GDAP2: variants seen among roughly 807,000 people sequenced by gnomAD.
The protein encoded by GDAP2 is ganglioside induced differentiation associated protein 2.
In GDAP2, 51 loss-of-function variants were observed where a neutral mutation model predicts 67.0. The ratio of observed to expected loss-of-function variants is 0.76; its 90% CI spans 0.61 to 0.96. The LOEUF (loss-of-function observed/expected upper bound fraction) is 0.96. Ranked by LOEUF, GDAP2 falls within the 40% of genes least tolerant of loss-of-function variation. The pLI, the probability that GDAP2 is intolerant of heterozygous loss-of-function variation, is 0.00. For synonymous variants in GDAP2, 203 were observed against 207.3 expected, an observed-to-expected ratio of 0.98 and a Z score of 0.18; for missense variants, 547 against 588.3, an observed-to-expected ratio of 0.93 and a Z score of 0.73.
At chr1:117,901,797 T>C (rs1227333263) in intron 6 of GDAP2, among the ~76,000 whole-genome samples, 1 of 152,248 alleles carries the variant, frequency 6.6e-6, no homozygotes, top group Non-Finnish European at 1.5e-5. Flanking sequence ...ACAGCACATC[T>C]TGCATATGCC....
chr1:117,888,319 G>C (rs929047551), intron 8 of GDAP2, among the ~76,000 whole-genome samples: 4 of 152,086 alleles, frequency 2.6e-5, no homozygotes, highest in African/African-American at 9.7e-5. Flanking sequence ...AATTTATCTG[G>C]GAAGTCCTGG....
rs2101111865 is a variant in GDAP2, at chr1:117,868,837, T to A, written c.*1732A>T. On this transcript the variant is annotated 3_prime_UTR_variant, in exon 14 of 14. Transcript: ENST00000369443. ...GACCTAGGGGACATAAGAGAAAATC[T>A]TAACATAGATGTATATATAAGGATC... 6.6e-6 allele frequency: 1 copy of A among 152,258 alleles called. No individual in the cohort carries two copies. Among genetic ancestry groups the A allele is most frequent in the South Asian group, 2.1e-4 (1 of 4,824 alleles). 9.4% of individuals were successfully genotyped at this position (152,258 alleles called of 1,614,324 possible). A position where few individuals can be genotyped will look rare whatever the true frequency, so the allele number is the denominator to read the frequency against.
intron 10 of GDAP2, among the ~76,000 whole-genome samples, chr1:117,885,804 C>T (rs1266130963): frequency 1.3e-5 from 2 of 152,044 alleles, no homozygotes; most frequent in Admixed American, 1.3e-4. Context: ...TTAAAGTTAT[C>T]ATCCTTTGAA....
At position 117,874,554 on chromosome 1, in the gene GDAP2, C is replaced by T. The variant is rs1400556402; in HGVS notation, c.1446+3455G>A. On this transcript the variant is annotated intron_variant, in intron 13 of 13. Transcript: ENST00000369443. Reference sequence around the variant, plus strand: ...AGCCTCAGGTATTCCTTTATGGCCACATAAAAATGGATGAAGGCAGAAAAT... The same window carrying T: ...AGCCTCAGGTATTCCTTTATGGCCATATAAAAATGGATGAAGGCAGAAAAT... Among the ~76,000 whole-genome samples the T allele has an allele frequency of 2.0e-5, 3 of 151,978 alleles. 1 individual carries two copies. The highest frequency in any genetic ancestry group is 3.9e-4 in the East Asian group (2 of 5,188).
intron 1 of GDAP2, among the ~76,000 whole-genome samples, chr1:117,924,326 CTTT>C (rs1650366513): frequency 6.6e-6 from 1 of 152,136 alleles, no homozygotes; most frequent in South Asian, 2.1e-4. Flanking sequence ...TTGTTCCCTT[CTTT>C]GTGTCCACGT....
chr1:117,917,935 A>G (rs1650106662), intron 3 of GDAP2, among the ~76,000 whole-genome samples: 1 of 152,154 alleles, frequency 6.6e-6, no homozygotes, highest in Non-Finnish European at 1.5e-5. Flanking sequence ...CTGTCCTTAC[A>G]GTCAAAATTC....
chr1:117,914,471 C>T (rs1184772458), intron 3 of GDAP2, among the ~76,000 whole-genome samples: 1 of 151,906 alleles, frequency 6.6e-6, no homozygotes, highest in African/African-American at 2.4e-5. Flanking sequence ...CAAGAAAATA[C>T]AACATCTAAT....
chr1:117,923,859 G>T (rs1426218846), intron 1 of GDAP2, among the ~76,000 whole-genome samples: 1 of 152,072 alleles, frequency 6.6e-6, no homozygotes, highest in Non-Finnish European at 1.5e-5. Flanking sequence ...TTTAATATTA[G>T]CCATTTAAGA....
chr1:117,892,841 C>T (rs1474690843), intron 8 of GDAP2, among the ~76,000 whole-genome samples: 1 of 152,062 alleles, frequency 6.6e-6, no homozygotes, highest in African/African-American at 2.4e-5. Flanking sequence ...GTATAATCAT[C>T]GCCCAGGGAA....
chr1:117,874,228 G>A (rs1648383382), intron 13 of GDAP2, among the ~76,000 whole-genome samples: 1 of 152,290 alleles, frequency 6.6e-6, no homozygotes, highest in East Asian at 1.9e-4. Flanking sequence ...CCTAGTCGGA[G>A]GTGTTTGGGT....
chr1:117,924,809 C>G (rs1371069726), intron 1 of GDAP2, among the ~76,000 whole-genome samples: 1 of 152,106 alleles, frequency 6.6e-6, no homozygotes, highest in African/African-American at 2.4e-5. Context: ...TCAAATTGGT[C>G]TTTCCACAAG....
intron 5 of GDAP2, among the ~76,000 whole-genome samples, chr1:117,908,979 T>C (rs557280513): frequency 5.4e-4 from 82 of 152,292 alleles, no homozygotes; most frequent in Non-Finnish European, 9.4e-4. Flanking sequence ...AGCAACCAAA[T>C]TGAATTCTCT....
chr1:117,924,901 T>A (rs979077116), intron 1 of GDAP2, among the ~76,000 whole-genome samples: 2 of 152,170 alleles, frequency 1.3e-5, no homozygotes, highest in Admixed American at 1.3e-4. Context: ...TACTCTTCTA[T>A]CATGGTTAAA....
chr1:117,912,175 C>T (rs992467780), intron 4 of GDAP2, 93 bp from the exon 5 acceptor site: 26 of 757,030 alleles, frequency 3.4e-5, no homozygotes, highest in Middle Eastern at 2.4e-4. Context: ...AGCTCAACTT[C>T]TCCTTTCCTC....
chr1:117,907,292 T>A (rs2101149216), intron 5 of GDAP2, among the ~76,000 whole-genome samples: 1 of 152,340 alleles, frequency 6.6e-6, no homozygotes, highest in South Asian at 2.1e-4. Context: ...ATTTTTTTGA[T>A]ATACTTATTC....
chr1:117,909,165 T>C (rs957460362), intron 5 of GDAP2, among the ~76,000 whole-genome samples: 2 of 152,212 alleles, frequency 1.3e-5, no homozygotes, highest in South Asian at 2.1e-4. Context: ...GTGAATACCC[T>C]ATAATTTGTA....
At chr1:117,920,112 T>TA in intron 2 of GDAP2, 70 bp downstream of exon 2, 2 of 884,898 alleles carry the variant, frequency 2.3e-6, no homozygotes, top group Non-Finnish European at 3.6e-6. Context: ...GCTAGGGCTT[T>TA]AAAAAAGAGG....
chr1:117,877,745 C>T (rs1648513009), intron 13 of GDAP2: 1 of 1,171,994 alleles, frequency 8.5e-7, no homozygotes, highest in Non-Finnish European at 1.1e-6. Context: ...AGAAAACTTA[C>T]AATACAAACG....
At chr1:117,925,664 T>C (rs1650419524) in intron 1 of GDAP2, among the ~76,000 whole-genome samples, 1 of 152,190 alleles carries the variant, frequency 6.6e-6, no homozygotes, top group African/African-American at 2.4e-5. Flanking sequence ...TGTGAGAATT[T>C]GGACTCTGTT....
Sources: gnomAD v4.1 joint callset for allele counts (sites outside exome capture counted in the v4.1 genomes callset) on GRCh38, gnomAD v4.1.1 for gene constraint, MANE v1.5 for transcripts, NCBI Gene and HGNC (gene_info 2026-07-23, HGNC 2026-07-21) for gene names.